The following DPP10 variants were observed in gnomAD, a reference collection of about 807,000 sequenced individuals.
DPP10 encodes the protein inactive dipeptidyl peptidase 10.
Under a neutral mutation model 120.9 loss-of-function variants are expected in DPP10, and 33 were observed. The ratio of observed to expected loss-of-function variants is 0.27; its 90% CI spans 0.21 to 0.37. The LOEUF (loss-of-function observed/expected upper bound fraction) is 0.37. Among genes scored for constraint, DPP10 ranks in the 10% least tolerant of loss-of-function variants. DPP10 has a pLI of 1.00. For synonymous variants in DPP10, 337 were observed against 326.1 expected, an observed-to-expected ratio of 1.03 and a Z score of -0.36; for missense variants, 816 against 942.8, an observed-to-expected ratio of 0.87 and a Z score of 1.76.
At chr2:114,678,601 T>C (rs372623111) in intron 1 of DPP10, among the ~76,000 whole-genome samples, 1 of 152,090 alleles carries the variant, frequency 6.6e-6, no homozygotes, top group Non-Finnish European at 1.5e-5. Context: ...AAAAGTTCTC[T>C]ATTACATGTA....
chr2:115,210,659 T>G (rs913553565), intron 1 of DPP10, among the ~76,000 whole-genome samples: 5 of 152,184 alleles, frequency 3.3e-5, no homozygotes, highest in Non-Finnish European at 7.3e-5. Context: ...TTCCTATTTC[T>G]CCATATCCCC....
At chr2:114,760,473 C>T (rs551697815) in intron 1 of DPP10, among the ~76,000 whole-genome samples, 1 of 152,110 alleles carries the variant, frequency 6.6e-6, no homozygotes, top group East Asian at 1.9e-4. Context: ...ATTGAACAAA[C>T]TTCTAACCTG....
intron 3 of DPP10, among the ~76,000 whole-genome samples, chr2:115,460,481 T>C (rs2073923426): frequency 6.6e-6 from 1 of 152,212 alleles, no homozygotes; most frequent in Non-Finnish European, 1.5e-5. Flanking sequence ...GTTGCTTTTC[T>C]TGTAGGAGTT....
rs183203294 is a variant in DPP10 at position 114,897,532 on chromosome 2, A to G, written c.61-411707A>G. Among the ~76,000 whole-genome samples the G allele has an allele frequency of 8.9e-3, 1,350 of 152,298 alleles. 11 individuals are homozygous for G. Among genetic ancestry groups the G allele is most frequent in the African/African-American group, 0.03 (1,265 of 41,560 alleles). ...TAAACTAAAGAGCTTCTCCACAGCA[A>G]AAGAAACTACCATCAGAGTGAACAG... On this transcript the variant is annotated intron_variant, in intron 1 of 25. Transcript: ENST00000410059.
chr2:114,477,624 A>G (rs969389918), intron 1 of DPP10, among the ~76,000 whole-genome samples: 3 of 151,338 alleles, frequency 2.0e-5, no homozygotes, highest in Non-Finnish European at 4.4e-5. Flanking sequence ...TGCCTCTACT[A>G]AAAATACAAA....
At chr2:115,760,199 A>G (rs1037782631) in intron 11 of DPP10, among the ~76,000 whole-genome samples, 1 of 152,156 alleles carries the variant, frequency 6.6e-6, no homozygotes, top group Non-Finnish European at 1.5e-5. Context: ...ATAGACTTTA[A>G]AGTAAGACTT....
chr2:115,360,289 A>G (rs865815479), intron 3 of DPP10, among the ~76,000 whole-genome samples: 11 of 151,992 alleles, frequency 7.2e-5, no homozygotes, highest in Admixed American at 2.0e-4. Flanking sequence ...TTGTTTTTAT[A>G]TTCTTTTTCT....
chr2:115,375,503 C>A (rs112032312), intron 3 of DPP10, among the ~76,000 whole-genome samples: 29 of 152,304 alleles, frequency 1.9e-4, no homozygotes, highest in African/African-American at 6.7e-4. Context: ...CTGACCCCTC[C>A]AAATTGCTCC....
intron 11 of DPP10, among the ~76,000 whole-genome samples, chr2:115,757,935 T>C (rs1559118078): frequency 6.6e-6 from 1 of 152,112 alleles, no homozygotes; most frequent in Non-Finnish European, 1.5e-5. Flanking sequence ...ACCCCCTTAC[T>C]GAATGTGCAA....
intron 1 of DPP10, among the ~76,000 whole-genome samples, chr2:114,711,535 T>A (rs1160107900): frequency 6.6e-6 from 1 of 152,190 alleles, no homozygotes; most frequent in Non-Finnish European, 1.5e-5. Flanking sequence ...GATAATAGAA[T>A]GTACTCATAA....
At chr2:115,821,213 TATAA>T (rs1223126494) in intron 21 of DPP10, among the ~76,000 whole-genome samples, 7 of 152,178 alleles carry the variant, frequency 4.6e-5, no homozygotes, top group Admixed American at 1.3e-4. Context: ...AGTATCCCTT[TATAA>T]TGTGAACTCA....
chr2:114,532,031 C>T (rs75476082), intron 1 of DPP10, among the ~76,000 whole-genome samples: 1,848 of 151,708 alleles, frequency 0.012, 29 homozygotes, highest in African/African-American at 0.042. Flanking sequence ...ATTTGCTTTC[C>T]GTTTGAAACA....
intron 5 of DPP10, among the ~76,000 whole-genome samples, chr2:115,542,089 T>A (rs1015215619): frequency 1.3e-5 from 2 of 151,904 alleles, no homozygotes; most frequent in Non-Finnish European, 2.9e-5. Context: ...CTTAAACCTG[T>A]TTTTGCATAT....
chr2:114,509,178 TG>T (rs1418248995), intron 1 of DPP10, among the ~76,000 whole-genome samples: 1 of 152,214 alleles, frequency 6.6e-6, no homozygotes, highest in African/African-American at 2.4e-5. Context: ...TCTGTGGTTT[TG>T]CCAGATGCTC....
intron 5 of DPP10, chr2:115,579,675 G>A (rs1471171378): frequency 2.0e-5 from 3 of 152,124 alleles, no homozygotes; most frequent in Non-Finnish European, 4.4e-5. Context: ...AATAAGAGTA[G>A]TATAAAAGAC....
chr2:115,002,767 A>G (rs775417490), intron 1 of DPP10, among the ~76,000 whole-genome samples: 6 of 152,160 alleles, frequency 3.9e-5, no homozygotes, highest in Non-Finnish European at 7.4e-5. Flanking sequence ...AAAATACTCA[A>G]TATCACTAAT....
intron 3 of DPP10, among the ~76,000 whole-genome samples, chr2:115,406,734 G>A (rs952393024): frequency 9.9e-5 from 15 of 152,040 alleles, no homozygotes; most frequent in Middle Eastern, 3.4e-3. Flanking sequence ...AACACGGAAG[G>A]AAAAGATAAC....
chr2:115,732,923 G>A (rs1181229000), intron 8 of DPP10, among the ~76,000 whole-genome samples: 2 of 152,120 alleles, frequency 1.3e-5, no homozygotes, highest in African/African-American at 2.4e-5. Context: ...TTCCAACTTA[G>A]TGTAGTGATA....
At chr2:115,649,845 C>G (rs779944703) in intron 5 of DPP10, among the ~76,000 whole-genome samples, 1 of 151,970 alleles carries the variant, frequency 6.6e-6, no homozygotes, top group African/African-American at 2.4e-5. Flanking sequence ...TATTTATCTC[C>G]CAACTAGCCA....
Sources: gnomAD v4.1 joint callset for allele counts (sites outside exome capture counted in the v4.1 genomes callset) on GRCh38, gnomAD v4.1.1 for gene constraint, MANE v1.5 for transcripts, NCBI Gene and HGNC (gene_info 2026-07-23, HGNC 2026-07-21) for gene names.